EDIL3: variants seen among roughly 807,000 people sequenced by gnomAD.
EDIL3 encodes the protein EGF like and discoidin domains 3, also known as EGF-like repeat and discoidin I-like domain-containing protein 3.
EDIL3 carries 37 observed loss-of-function variants against 67.4 expected under a neutral mutation model. The ratio of observed to expected loss-of-function variants is 0.55; its 90% confidence interval spans 0.42 to 0.72. The LOEUF is 0.72. Ranked by LOEUF, EDIL3 falls within the 30% of genes least tolerant of loss-of-function variation. The pLI, the probability that EDIL3 is intolerant of heterozygous loss-of-function variation, is 0.00. For missense variants in EDIL3, 527 were observed against 586.3 expected, an observed-to-expected ratio of 0.90 and a Z score of 1.04; for synonymous variants, 195 against 196.3, an observed-to-expected ratio of 0.99 and a Z score of 0.05.
intron 1 of EDIL3, among the ~76,000 whole-genome samples, chr5:84,315,852 G>A (rs1253334614): frequency 6.6e-6 from 1 of 152,120 alleles, no homozygotes; most frequent in Non-Finnish European, 1.5e-5. Context: ...GCTAAGGGCA[G>A]CCAGAGAGAA....
intron 3 of EDIL3, among the ~76,000 whole-genome samples, chr5:84,187,894 T>C (rs1743498569): frequency 2.6e-5 from 4 of 152,016 alleles, no homozygotes; most frequent in Admixed American, 2.6e-4. Flanking sequence ...TGTGCAAAAT[T>C]CAGCCATTTG....
chr5:84,029,223 C>A (rs1745873753), intron 9 of EDIL3, among the ~76,000 whole-genome samples: 1 of 152,096 alleles, frequency 6.6e-6, no homozygotes, highest in Non-Finnish European at 1.5e-5. Context: ...CCACTGCACT[C>A]CAGCCTGGGG....
At chr5:84,351,003 T>A (rs1207389882) in intron 1 of EDIL3, among the ~76,000 whole-genome samples, 1 of 152,150 alleles carries the variant, frequency 6.6e-6, no homozygotes, top group Non-Finnish European at 1.5e-5. Context: ...TGGCACATAT[T>A]TATTTGGACT....
At chr5:84,223,915 C>T (rs951099069) in intron 3 of EDIL3, among the ~76,000 whole-genome samples, 1 of 150,986 alleles carries the variant, frequency 6.6e-6, no homozygotes, top group South Asian at 2.1e-4. Flanking sequence ...ATATTTTTAC[C>T]ATTTACATAT....
intron 1 of EDIL3, among the ~76,000 whole-genome samples, chr5:84,294,128 A>G (rs1745987023): frequency 6.6e-6 from 1 of 152,000 alleles, no homozygotes; most frequent in African/African-American, 2.4e-5. Context: ...TCACGCCTGT[A>G]ATCCCAGCAC....
chr5:84,374,643 T>G (rs1747928485), intron 1 of EDIL3, among the ~76,000 whole-genome samples: 1 of 152,184 alleles, frequency 6.6e-6, no homozygotes, highest in Non-Finnish European at 1.5e-5. Context: ...ACCCAAATAT[T>G]ATCCCAAATT....
Position 83,941,845 on chromosome 5 carries a change from C to T in EDIL3, c.*1574G>A, listed in dbSNP as rs985539820. The T allele has an allele frequency of 6.6e-6, 1 of 151,922 alleles. No individual in the cohort carries two copies. Among genetic ancestry groups the T allele is most frequent in the African/African-American group, 2.4e-5 (1 of 41,408 alleles). 9.4% of individuals were successfully genotyped at this position (151,922 alleles called of 1,614,324 possible). On this transcript the variant is annotated 3_prime_UTR_variant, in exon 11 of 11. Transcript: ENST00000296591. ...TAAAAATGCCAATACAATTGACTTT[C>T]TCTTTAAATTCTTCACTATGATTGA... is the stretch of plus-strand genomic sequence containing the variant.
intron 3 of EDIL3, among the ~76,000 whole-genome samples, chr5:84,183,368 C>T (rs1749047970): frequency 6.6e-6 from 1 of 152,054 alleles, no homozygotes; most frequent in Non-Finnish European, 1.5e-5. Context: ...AGAGTTTTGA[C>T]TCATCAATTC....
intron 3 of EDIL3, among the ~76,000 whole-genome samples, chr5:84,218,701 G>T (rs1245157467): frequency 6.6e-6 from 1 of 152,204 alleles, no homozygotes; most frequent in Non-Finnish European, 1.5e-5. Flanking sequence ...GAGAGTCCCA[G>T]GCCTGGCAGC....
intron 3 of EDIL3, among the ~76,000 whole-genome samples, chr5:84,195,426 T>C (rs1743685839): frequency 6.6e-6 from 1 of 152,008 alleles, no homozygotes; most frequent in Admixed American, 6.6e-5. Context: ...TGTCTGAATG[T>C]TTGTCTTCTA....
rs1580049364 is a variant in EDIL3 at position 84,273,853 on chromosome 5, T to C, written c.68-19641A>G. ...TCCTTGTATTTCTATACCTTTATAA[T>C]ATGAGAAGGAGTTAGGCCACCCTGT... On this transcript the variant is annotated intron_variant, in intron 1 of 10. Coordinates refer to ENST00000296591, the MANE Select transcript of EDIL3 (RefSeq NM_005711.5). Among the ~76,000 whole-genome samples the C allele has an allele frequency of 2.0e-5, 3 of 152,202 alleles. No individual in the cohort carries two copies. In the East Asian group the frequency reaches 5.8e-4, roughly 29 times the overall value.
chr5:84,380,179 T>C (rs1024137407), intron 1 of EDIL3, among the ~76,000 whole-genome samples: 8 of 152,042 alleles, frequency 5.3e-5, no homozygotes, highest in African/African-American at 1.7e-4. Context: ...CAAACAACAT[T>C]ATAATCATTA....
intron 1 of EDIL3, among the ~76,000 whole-genome samples, chr5:84,290,280 ACTAT>A (rs1431475294): frequency 4.6e-5 from 7 of 152,104 alleles, no homozygotes; most frequent in African/African-American, 1.4e-4. Context: ...TCCCCATGAC[ACTAT>A]CTGAGAGCTC....
chr5:84,181,518 A>C (rs1749012466), intron 3 of EDIL3, among the ~76,000 whole-genome samples: 1 of 152,138 alleles, frequency 6.6e-6, no homozygotes, highest in South Asian at 2.1e-4. Flanking sequence ...TTTCTATGCC[A>C]TGTTCTCTCC....
At chr5:84,148,095 G>A (rs1311820779) in intron 4 of EDIL3, among the ~76,000 whole-genome samples, 2 of 151,994 alleles carry the variant, frequency 1.3e-5, no homozygotes, top group East Asian at 3.9e-4. Flanking sequence ...GATTCAATGA[G>A]GTAAATTATG....
chr5:84,277,705 A>G (rs994306206), intron 1 of EDIL3, among the ~76,000 whole-genome samples: 1 of 152,286 alleles, frequency 6.6e-6, no homozygotes, highest in African/African-American at 2.4e-5. Flanking sequence ...CTTATCATAG[A>G]CATATATTTT....
chr5:84,125,789 T>C (rs1289591907), intron 5 of EDIL3, among the ~76,000 whole-genome samples: 2 of 151,960 alleles, frequency 1.3e-5, no homozygotes, highest in African/African-American at 4.8e-5. Flanking sequence ...GTATAAGGCA[T>C]TGGAAAACCA....
intron 1 of EDIL3, among the ~76,000 whole-genome samples, chr5:84,255,138 A>T (rs1462363810): frequency 6.6e-6 from 1 of 152,168 alleles, no homozygotes; most frequent in Non-Finnish European, 1.5e-5. Context: ...GTCCATTTGA[A>T]AGTAAAGGGA....
At chr5:84,114,968 T>C (rs1271732945) in intron 5 of EDIL3, among the ~76,000 whole-genome samples, 1 of 152,232 alleles carries the variant, frequency 6.6e-6, no homozygotes, top group African/African-American at 2.4e-5. Context: ...CCTTTTGCAT[T>C]ATTTAGGTTT....
Sources: gnomAD v4.1 joint callset for allele counts (sites outside exome capture counted in the v4.1 genomes callset) on GRCh38, gnomAD v4.1.1 for gene constraint, MANE v1.5 for transcripts, NCBI Gene and HGNC (gene_info 2026-07-23, HGNC 2026-07-21) for gene names.